Variants in SH3GL2 observed in about 807,000 individuals in gnomAD.
SH3GL2 encodes the protein SH3 domain containing GRB2 like 2, endophilin A1, also known as endophilin-A1.
A neutral mutation model predicts 46.0 loss-of-function variants in SH3GL2; 24 were observed. The ratio of observed to expected loss-of-function variants is 0.52; its 90% CI spans 0.38 to 0.73. The LOEUF is 0.73. Among genes scored for constraint, SH3GL2 ranks in the 30% least tolerant of loss-of-function variants. SH3GL2 has a pLI of 0.00. For synonymous variants in SH3GL2, 196 were observed against 147.1 expected (o/e 1.33, Z -2.40); for missense variants, 413 against 424.2 (o/e 0.97, Z 0.23).
intron 1 of SH3GL2, among the ~76,000 whole-genome samples, chr9:17,632,256 A>G (rs1819444527): frequency 1.3e-5 from 2 of 152,238 alleles, no homozygotes; most frequent in Admixed American, 6.5e-5. Flanking sequence ...TCATACAACA[A>G]CCTATCCATG....
chr9:17,624,912 T>C (rs956710383), intron 1 of SH3GL2, among the ~76,000 whole-genome samples: 1 of 152,170 alleles, frequency 6.6e-6, no homozygotes, highest in Non-Finnish European at 1.5e-5. Context: ...CAAGTGGAAA[T>C]GTTGGGGTAC....
chr9:17,748,188 T>G (rs945387877), intron 2 of SH3GL2, among the ~76,000 whole-genome samples: 2 of 152,348 alleles, frequency 1.3e-5, no homozygotes, highest in African/African-American at 4.8e-5. Context: ...TTTAACGCTC[T>G]TCAGAACAGG....
intron 1 of SH3GL2, among the ~76,000 whole-genome samples, chr9:17,593,099 C>T (rs570700437): frequency 5.9e-5 from 9 of 152,310 alleles, no homozygotes; most frequent in South Asian, 4.1e-4. Context: ...TCCCATACCT[C>T]GACCTATGTG....
At chr9:17,582,878 C>G (rs914888736) in intron 1 of SH3GL2, among the ~76,000 whole-genome samples, 3 of 152,314 alleles carry the variant, frequency 2.0e-5, no homozygotes, top group Non-Finnish European at 4.4e-5. Context: ...ACCTTGGTCT[C>G]TGCCTTCATG....
chr9:17,766,532 C>G (rs1020225982), intron 3 of SH3GL2, among the ~76,000 whole-genome samples: 1 of 152,078 alleles, frequency 6.6e-6, no homozygotes, highest in African/African-American at 2.4e-5. Context: ...AAATAGGATG[C>G]AAGCCACATA....
At chr9:17,614,756 C>T (rs550329811) in intron 1 of SH3GL2, among the ~76,000 whole-genome samples, 10 of 152,206 alleles carry the variant, frequency 6.6e-5, no homozygotes, top group Non-Finnish European at 8.8e-5. Context: ...AGGTGGGTTG[C>T]GGAGGCTGCT....
At chr9:17,590,440 T>C (rs1267395755) in intron 1 of SH3GL2, 3 of 152,212 alleles carry the variant, frequency 2.0e-5, no homozygotes, top group Non-Finnish European at 4.4e-5. Context: ...AAGTTCTGTC[T>C]CCCATTTCAC....
intron 1 of SH3GL2, among the ~76,000 whole-genome samples, chr9:17,647,369 C>T (rs1819843770): frequency 6.6e-6 from 1 of 152,016 alleles, no homozygotes; most frequent in South Asian, 2.1e-4. Context: ...TGGGTGATTT[C>T]ATTTAGTGCT....
chr9:17,794,781 A>G (rs1824232368), intron 8 of SH3GL2, among the ~76,000 whole-genome samples: 1 of 152,174 alleles, frequency 6.6e-6, no homozygotes, highest in Non-Finnish European at 1.5e-5. Context: ...TTATTTTTGT[A>G]TGCCATAGCT....
chr9:17,758,849 C>T (rs768492122), intron 2 of SH3GL2, among the ~76,000 whole-genome samples: 113 of 152,072 alleles, frequency 7.4e-4, no homozygotes, highest in Non-Finnish European at 1.3e-3. Context: ...CGGTAAACAT[C>T]TGGGTGGGAT....
chr9:17,716,286 G>A (rs1821755547), intron 1 of SH3GL2, among the ~76,000 whole-genome samples: 1 of 152,044 alleles, frequency 6.6e-6, no homozygotes. Context: ...CTTGACTTAG[G>A]GGGCTGGATG....
intron 1 of SH3GL2, among the ~76,000 whole-genome samples, chr9:17,676,947 A>G (rs1196398382): frequency 6.6e-6 from 1 of 152,106 alleles, no homozygotes; most frequent in Non-Finnish European, 1.5e-5. Flanking sequence ...CAAATATGCC[A>G]TAAATTCCTT....
In SH3GL2 at chr9:17,724,869, C is replaced by T. The variant is rs549626664; in HGVS notation, c.46-22197C>T. Among the ~76,000 whole-genome samples the T allele has an allele frequency of 2.0e-5, 3 of 151,240 alleles. No homozygotes were observed. The East Asian group carries it at 5.9e-4, about 30-fold the overall frequency. On this transcript the variant is annotated intron_variant, in intron 1 of 8. Transcript: ENST00000380607. ...TCGTAGGAGTCACCCCTGGGTCTGC[C>T]TAAATCATTTATTGATCAATATTTG... is the stretch of plus-strand genomic sequence containing the variant.
rs10963259 is a variant in SH3GL2 at position 17,765,195 on chromosome 9, T to G, written c.187+3686T>G. ...TAGGATTTGATGCTTCGAGGGTACT[T>G]TGGGAGTACATCTGTATTAGATTAC... On this transcript the variant is annotated intron_variant, in intron 3 of 8. Coordinates refer to ENST00000380607, the MANE Select transcript of SH3GL2 (RefSeq NM_003026.5). 9.4e-5 allele frequency among the ~76,000 whole-genome samples: 4 copies of G among 42,516 alleles called. 2 individuals are homozygous for G. The highest frequency in any genetic ancestry group is 2.2e-3 in the South Asian group (2 of 900). The allele number at this position is 42,516 out of a possible 152,430, so 27.9% of individuals were successfully genotyped here.
intron 1 of SH3GL2, among the ~76,000 whole-genome samples, chr9:17,678,206 C>T (rs1820665494): frequency 1.3e-5 from 2 of 152,076 alleles, no homozygotes; most frequent in Admixed American, 6.6e-5. Flanking sequence ...TGAGGAATCG[C>T]CACACTGACT....
At chr9:17,580,014 C>G (rs569331298) in intron 1 of SH3GL2, among the ~76,000 whole-genome samples, 1 of 152,154 alleles carries the variant, frequency 6.6e-6, no homozygotes, top group Non-Finnish European at 1.5e-5. Context: ...TCTTTGGCAT[C>G]TTGGATGTGC....
At chr9:17,670,759 A>G (rs1820454842) in intron 1 of SH3GL2, among the ~76,000 whole-genome samples, 1 of 152,212 alleles carries the variant, frequency 6.6e-6, no homozygotes, top group Non-Finnish European at 1.5e-5. Context: ...TAAAATTATG[A>G]AAGTTTTTTT....
intron 1 of SH3GL2, among the ~76,000 whole-genome samples, chr9:17,587,930 A>C (rs1392293327): frequency 1.3e-5 from 2 of 151,946 alleles, no homozygotes; most frequent in African/African-American, 4.8e-5. Context: ...ACTTCAACTT[A>C]ATAGGCTTCT....
chr9:17,711,066 A>G (rs1821608629), intron 1 of SH3GL2, among the ~76,000 whole-genome samples: 1 of 151,864 alleles, frequency 6.6e-6, no homozygotes, highest in Admixed American at 6.6e-5. Flanking sequence ...ATAATGGGGA[A>G]AAAATTGTGT....
Sources: gnomAD v4.1 joint callset for allele counts (sites outside exome capture counted in the v4.1 genomes callset) on GRCh38, gnomAD v4.1.1 for gene constraint, MANE v1.5 for transcripts, NCBI Gene and HGNC (gene_info 2026-07-23, HGNC 2026-07-21) for gene names.